The following ABCA4 variants were observed in gnomAD, a reference collection of about 807,000 sequenced individuals.
ABCA4 encodes the protein retinal-specific phospholipid-transporting ATPase ABCA4.
Under a neutral mutation model 263.7 loss-of-function variants are expected in ABCA4, and 196 were observed. The ratio of observed to expected loss-of-function variants is 0.74; its 90% CI spans 0.66 to 0.84. ABCA4 has a LOEUF of 0.84. ABCA4 is among the 40% of genes least tolerant of loss of function. The pLI, the probability that ABCA4 is intolerant of heterozygous loss-of-function variation, is 0.00. For synonymous variants in ABCA4, 1,133 were observed against 1,094.2 expected (o/e 1.04, Z -0.70); for missense variants, 2,792 against 2,855.1 (o/e 0.98, Z 0.50).
Position 94,062,485 on chromosome 1 carries a change from T to C in ABCA4, c.1937+92A>G, listed in dbSNP as rs773268412. ...GTCCCTGGGGCTCTCTCTAAAGACATGGAAGCCTTGAGGGCACCCCCAGCC... is the reference window on the plus strand; with the variant it reads ...GTCCCTGGGGCTCTCTCTAAAGACACGGAAGCCTTGAGGGCACCCCCAGCC... On this transcript the variant is annotated intron_variant, in intron 13 of 49. Transcript: ENST00000370225. 813 of 1,509,884 alleles carry C rather than the reference T, an allele frequency of 5.4e-4. 1 individual carries two copies. Among genetic ancestry groups the C allele is most frequent in the Non-Finnish European group, 6.8e-4 (741 of 1,096,592 alleles). The allele number at this position is 1,509,884 out of a possible 1,614,324, so 93.5% of individuals were successfully genotyped here. A position where few individuals can be genotyped will look rare whatever the true frequency, so the allele number is the denominator to read the frequency against.
chr1:94,004,282 T>C lies in ABCA4; in HGVS notation c.6147+1159A>G, dbSNP rs1008934099. Among the ~76,000 whole-genome samples, 22 of 152,360 alleles carry C rather than the reference T, an allele frequency of 1.4e-4. 2 individuals are homozygous for C. The highest frequency in any genetic ancestry group is 6.5e-4 in the Admixed American group (10 of 15,306). On this transcript the variant is annotated intron_variant, in intron 44 of 49. Coordinates refer to ENST00000370225, the MANE Select transcript of ABCA4 (RefSeq NM_000350.3). ...CAGTGCTACCTCCGGTTCCTATCCA[T>C]GACCTCACAGTTCTTTCTTGCTTTT...
intron 26 of ABCA4, among the ~76,000 whole-genome samples, chr1:94,036,194 T>C (rs969674793): frequency 2.6e-5 from 4 of 151,346 alleles, no homozygotes; most frequent in African/African-American, 4.9e-5. Flanking sequence ...AGCTGAGGGA[T>C]GAAGCTACCA....
At chr1:94,000,741 C>A in intron 47 of ABCA4, 95 bp downstream of exon 47, 1 of 1,324,702 alleles carries the variant, frequency 7.5e-7, no homozygotes, top group Non-Finnish European at 1.1e-6. Context: ...CAGGGGATGA[C>A]GGAGCAGCAG....
chr1:94,030,285 T>G (rs1660160218), intron 29 of ABCA4, 143 bp downstream of exon 29: 1 of 740,658 alleles, frequency 1.4e-6, no homozygotes, highest in Admixed American at 2.0e-5. Context: ...AAGGAGAGGT[T>G]GGGGGAGTGC....
chr1:94,097,792 C>G (rs897491361), intron 6 of ABCA4, among the ~76,000 whole-genome samples: 2 of 152,166 alleles, frequency 1.3e-5, no homozygotes, highest in Non-Finnish European at 2.9e-5. Context: ...CTCTGTCACC[C>G]AGGCTGGAGT....
chr1:94,013,842 G>A (rs1209699516), intron 38 of ABCA4, among the ~76,000 whole-genome samples: 3 of 152,156 alleles, frequency 2.0e-5, no homozygotes, highest in Non-Finnish European at 2.9e-5. Context: ...ATAAGAAAGC[G>A]GGAGAAAGAC....
At chr1:94,014,787 A>T (rs1200275099) in intron 37 of ABCA4, 97 bp from the exon 38 acceptor site, 1 of 1,513,336 alleles carries the variant, frequency 6.6e-7, no homozygotes, top group Non-Finnish European at 9.1e-7. Context: ...ACCTGAGGTG[A>T]TGTGTGTGAA....
At chr1:94,111,205 A>C (rs1216811466) in intron 3 of ABCA4, among the ~76,000 whole-genome samples, 1 of 152,228 alleles carries the variant, frequency 6.6e-6, no homozygotes, top group Non-Finnish European at 1.5e-5. Context: ...CTGGGGATAT[A>C]AGGACCAAGA....
intron 1 of ABCA4, among the ~76,000 whole-genome samples, chr1:94,117,925 A>G (rs906173116): frequency 2.0e-5 from 3 of 152,158 alleles, no homozygotes; most frequent in Admixed American, 2.0e-4. Flanking sequence ...TCCCAGTGCA[A>G]TTATTAATAG....
At chr1:94,068,192 C>A (rs897435312) in intron 11 of ABCA4, among the ~76,000 whole-genome samples, 1 of 151,980 alleles carries the variant, frequency 6.6e-6, no homozygotes, top group South Asian at 2.1e-4. Flanking sequence ...GCTGAGAGGG[C>A]GTGGGGCCTC....
At chr1:94,027,852 G>GCTGCCTGGAAGGCAGCTC (rs1660083249) in intron 30 of ABCA4, among the ~76,000 whole-genome samples, 1 of 152,116 alleles carries the variant, frequency 6.6e-6, no homozygotes, top group Non-Finnish European at 1.5e-5. Flanking sequence ...CTTCCATTCC[G>GCTGCCTGGAAGGCAGCTC]CTGCCTGGAA....
chr1:94,021,157 G>A (rs1423505258), intron 35 of ABCA4, 83 bp downstream of exon 35: 132 of 1,585,574 alleles, frequency 8.3e-5, no homozygotes, highest in Middle Eastern at 6.0e-4. Flanking sequence ...TCAGCACTTC[G>A]CGGTGGTGAG....
intron 5 of ABCA4, among the ~76,000 whole-genome samples, chr1:94,101,973 G>A (rs942890593): frequency 3.9e-5 from 6 of 152,168 alleles, no homozygotes; most frequent in Admixed American, 1.3e-4. Context: ...CTGGTCTCTG[G>A]GCTTTGAGAG....
chr1:94,019,377 G>A, intron 36 of ABCA4: 1 of 603,616 alleles, frequency 1.7e-6, no homozygotes, highest in Non-Finnish European at 2.9e-6. Flanking sequence ...GCACCCCACA[G>A]CCTTTCCTAG....
Position 94,024,995 on chromosome 1 carries a change from G to A in ABCA4, c.4593C>T (p.Ser1531=), listed in dbSNP as rs746070443. ...CAGGATACGTTTTTACCAAGAAGTC[G>A]GAGATGTTCCTGTCCGTCAGGTCTT... The part of the protein sequence containing the change: ...ILQDLTDRNI[S]DFLVKTYPAL... The change falls in exon 31 of 50, where the codon TCC becomes TCT. Residue 1531 remains serine (S), a synonymous_variant. Coordinates refer to ENST00000370225, the MANE Select transcript of ABCA4 (RefSeq NM_000350.3). The A allele has an allele frequency of 5.6e-6, 9 of 1,614,078 alleles. No homozygotes were observed. Among genetic ancestry groups the A allele is most frequent in the East Asian group, 2.2e-5 (1 of 44,888 alleles).
In ABCA4 at chr1:94,078,513, A is replaced by G. The variant is rs1468713539; in HGVS notation, c.1356+77T>C. On this transcript the variant is annotated intron_variant, in intron 10 of 49. Transcript: ENST00000370225. The stretch of plus-strand genomic sequence containing the variant: ...CAATAGCGATTAACTCTTTCCTGGG[A>G]AAAGGAAACAAGTGGAACTTTCTTG... 4.3e-6 allele frequency: 5 copies of G among 1,150,880 alleles called. No individual in the cohort carries two copies. The East Asian group carries it at 1.2e-4, about 27-fold the overall frequency. The allele number at this position is 1,150,880 out of a possible 1,614,324, so 71.3% of individuals were successfully genotyped here.
intron 36 of ABCA4, chr1:94,018,532 G>A (rs745472899): frequency 4.4e-6 from 2 of 455,322 alleles, no homozygotes; most frequent in South Asian, 3.1e-5. Flanking sequence ...TTACTAAGCT[G>A]AGTAAGATAG....
intron 38 of ABCA4, among the ~76,000 whole-genome samples, chr1:94,013,420 A>G (rs997343342): frequency 5.3e-5 from 8 of 152,192 alleles, no homozygotes; most frequent in Admixed American, 3.3e-4. Flanking sequence ...TGGGGCCCAG[A>G]GGCAGGTGGA....
At chr1:94,107,324 C>T (rs1028497859) in intron 4 of ABCA4, among the ~76,000 whole-genome samples, 36 of 152,280 alleles carry the variant, frequency 2.4e-4, no homozygotes, top group African/African-American at 5.8e-4. Context: ...TCAGAGGGCA[C>T]GCTCCACACC....
Sources: gnomAD v4.1 joint callset for allele counts (sites outside exome capture counted in the v4.1 genomes callset) on GRCh38, gnomAD v4.1.1 for gene constraint, MANE v1.5 for transcripts, NCBI Gene and HGNC (gene_info 2026-07-23, HGNC 2026-07-21) for gene names.